TTN: variants seen among roughly 807,000 people sequenced by gnomAD.
TTN encodes titin, also known as connectin.
Under a neutral mutation model 3,223.0 loss-of-function variants are expected in TTN, and 1,525 were observed. The ratio of observed to expected loss-of-function variants is 0.47; its 90% CI spans 0.45 to 0.49. The LOEUF (loss-of-function observed/expected upper bound fraction) is 0.49, where lower values mean the gene tolerates loss of function less well. Ranked by LOEUF, TTN falls within the 20% of genes least tolerant of loss-of-function variation. The pLI is 0.00. For synonymous variants in TTN, 14,094 were observed against 15,161.0 expected (o/e 0.93, Z 5.17); for missense variants, 40,786 against 43,424.0 (o/e 0.94, Z 5.40).
In TTN at chr2:178,592,130, G is replaced by A. The variant is rs2050346497; in HGVS notation, c.59774C>T (p.Ser19925Leu). The change falls in exon 302 of 363, where the codon TCA (serine) becomes TTA (leucine). Residue 19925 changes from serine (S) to leucine (L), a missense_variant. Coordinates refer to ENST00000589042, the MANE Select transcript of TTN (RefSeq NM_001267550.2). The stretch of plus-strand genomic sequence containing the variant: ...TTTCTTTGATGTAGCTGAGAGAGGT[G>A]ACCACTGGGCGCTGGCAACATCTCT... The part of the protein sequence containing the change: ...ERRDVASAQW[S>L]PLSATSKKKS... The A allele has an allele frequency of 6.2e-7, 1 of 1,612,734 alleles. No individual in the cohort carries two copies. The highest frequency in any genetic ancestry group is 1.3e-5 in the African/African-American group (1 of 74,822).
chr2:178,594,494 C>G lies in TTN; in HGVS notation c.58000G>C (p.Val19334Leu), dbSNP rs769006307. ...RLIGTEKFHK[V>L]TNDNLLSRKY... Reference sequence around the variant, plus strand: ...CTGCTAAGCAAGTTGTCATTTGTAACTTTGTGGAACTTCTCAGTCCCAATG... The same window carrying G: ...CTGCTAAGCAAGTTGTCATTTGTAAGTTTGTGGAACTTCTCAGTCCCAATG... Residue 19334 changes from valine to leucine, a missense_variant, in exon 296 of 363, where the codon GTT becomes CTT. Val to Leu is a conservative substitution (Grantham distance 32). Transcript: ENST00000589042. The G allele has an allele frequency of 3.1e-6, 5 of 1,613,276 alleles. No homozygotes were observed. The highest frequency in any genetic ancestry group is 3.3e-5 in the Admixed American group (2 of 59,942).
rs371422289 is a variant in TTN, at chr2:178,621,091, A to T, written c.45616+11T>A. On this transcript the variant is annotated intron_variant, in intron 246 of 362. Transcript: ENST00000589042. Reference sequence around the variant, plus strand: ...ACAAACAAAAAACCCTAAAAGCAAGAACAAACTTACCAATGACTGTCAAGT... The same window carrying T: ...ACAAACAAAAAACCCTAAAAGCAAGTACAAACTTACCAATGACTGTCAAGT... 3.1e-6 allele frequency: 5 copies of T among 1,610,748 alleles called. No individual in the cohort carries two copies. Among genetic ancestry groups the T allele is most frequent in the Non-Finnish European group, 4.2e-6 (5 of 1,178,854 alleles).
intron 60 of TTN, 58 bp from the exon 61 acceptor site, chr2:178,730,850 G>T (rs576861043): frequency 1.1e-4 from 144 of 1,255,754 alleles, no homozygotes; most frequent in South Asian, 6.0e-4. Context: ...ATTTGTTTTT[G>T]TTTTTTTTTT....
Position 178,529,088 on chromosome 2 carries a change from C to T in TTN, c.106663G>A (p.Ala35555Thr). The T allele has an allele frequency of 6.2e-7, 1 of 1,612,542 alleles. No individual in the cohort carries two copies. The highest frequency in any genetic ancestry group is 8.5e-7 in the Non-Finnish European group (1 of 1,179,322). ...LRSEEIKMSE[A>T]KSQEKLALKE... ...AGGGCTAACTTTTCTTGAGATTTTG[C>T]CTCTGACATCTTAATTTCTTCAGAC... The change falls in exon 360 of 363, where the codon GCA (alanine) becomes ACA (threonine). Residue 35555 changes from alanine to threonine, a missense_variant. Ala to Thr is a moderately conservative substitution (Grantham distance 58). Transcript: ENST00000589042.
chr2:178,610,269 C>G lies in TTN; in HGVS notation c.51257G>C (p.Arg17086Pro), dbSNP rs72632860. 6.2e-7 allele frequency: 1 copy of G among 1,612,820 alleles called. No individual in the cohort carries two copies. The highest frequency in any genetic ancestry group is 1.3e-5 in the African/African-American group (1 of 74,832). The change falls in exon 271 of 363, where the codon CGC becomes CCC. Residue 17086 changes from arginine (R) to proline (P), a missense_variant. By Grantham distance (103) the Arg-to-Pro change is moderately radical (BLOSUM62 -2). Coordinates refer to ENST00000589042, the MANE Select transcript of TTN (RefSeq NM_001267550.2). ...ATATGTTCTCCTCCCAGCTTCTCTG[C>G]GCTCCAGGACATAATGAAGAATTGG... ...GTPILHYVLERREAGRRTYIP... is the reference protein window; with the variant it reads ...GTPILHYVLEPREAGRRTYIP...
chr2:178,607,131 A>G lies in TTN; in HGVS notation c.53471T>C (p.Ile17824Thr), dbSNP rs765709539. Reference sequence around the variant, plus strand: ...TTCTTGTCCCTCAAGCAGACCTGTGATGTCACATTTAGATCTCTCAGTCTC... The same window carrying G: ...TTCTTGTCCCTCAAGCAGACCTGTGGTGTCACATTTAGATCTCTCAGTCTC... ...PIETERSKCDITGLLEGQEYK... is the reference protein window; with the variant it reads ...PIETERSKCDTTGLLEGQEYK... Residue 17824 changes from isoleucine to threonine, a missense_variant, in exon 278 of 363, where the codon ATC (isoleucine) becomes ACC (threonine). Physicochemically the swap from Ile to Thr is moderately conservative, Grantham distance 89. Transcript: ENST00000589042. 1.2e-5 allele frequency: 19 copies of G among 1,612,774 alleles called. 1 individual carries two copies. The South Asian group carries it at 2.0e-4, about 17-fold the overall frequency.
Position 178,548,963 on chromosome 2 carries a change from G to A in TTN, c.92663C>T (p.Ala30888Val), listed in dbSNP as rs1393497190. 1.9e-6 allele frequency: 3 copies of A among 1,613,844 alleles called. No individual in the cohort carries two copies. Among genetic ancestry groups the A allele is most frequent in the Non-Finnish European group, 8.5e-7 (1 of 1,179,814 alleles). ...AACTCGGAATTTGTATTCTTCACCT[G>A]CTTGTAGATCAGTGACTGTATATCT... is the stretch of plus-strand genomic sequence containing the variant. The part of the protein sequence containing the change: ...KTRYTVTDLQ[A>V]GEEYKFRVSA... The change falls in exon 339 of 363, where the codon GCA (alanine) becomes GTA (valine). Residue 30888 changes from alanine (A) to valine (V), a missense_variant. Coordinates refer to ENST00000589042, the MANE Select transcript of TTN (RefSeq NM_001267550.2). The surrounding 1 kb of genome is among the most constrained non-coding windows in gnomAD (Gnocchi z 4.3).
At chr2:178,722,966 C>T in intron 75 of TTN, 29 bp from the exon 76 acceptor site, 2 of 1,597,306 alleles carry the variant, frequency 1.3e-6, no homozygotes, top group Admixed American at 1.8e-5. Flanking sequence ...CAGTTAGCAA[C>T]TGGAATTAAT....
chr2:178,786,285 G>T, intron 13 of TTN, 144 bp from the exon 14 acceptor site: 1 of 829,442 alleles, frequency 1.2e-6, no homozygotes, highest in Non-Finnish European at 1.9e-6. Context: ...ACACTTTTAG[G>T]GACTATTTCA....
Position 178,532,607 on chromosome 2 carries a change from A to G in TTN, c.104008T>C (p.Tyr34670His). 6.2e-7 allele frequency: 1 copy of G among 1,613,970 alleles called. No homozygotes were observed. Among genetic ancestry groups the G allele is most frequent in the Non-Finnish European group, 8.5e-7 (1 of 1,179,862 alleles). Residue 34670 changes from tyrosine to histidine, a missense_variant, in exon 358 of 363, where the codon TAC becomes CAC. By Grantham distance (83) the Tyr-to-His change is moderately conservative. Transcript: ENST00000589042. The part of the protein sequence containing the change: ...DEELLLPIDD[Y>H]LAMKRTEEER... ...TCCTCTGTTCTTTTCATTGCTAAGTAGTCATCAATGGGGAGGAGTAATTCT... is the reference window on the plus strand; with the variant it reads ...TCCTCTGTTCTTTTCATTGCTAAGTGGTCATCAATGGGGAGGAGTAATTCT...
chr2:178,740,039 T>G lies in TTN; in HGVS notation c.13194A>C (p.Gln4398His), dbSNP rs375347596. Residue 4398 changes from glutamine to histidine, a missense_variant, in exon 48 of 363, where the codon CAA becomes CAC. Transcript: ENST00000589042. ...PEEQRLNLKI[Q>H]ICRALQAAVA... ...CGGCTGCTTGCAAAGCCCGGCAGAT[T>G]TGAATTTTCAGGTTTAATCTCTGCT... 2.4e-5 allele frequency: 39 copies of G among 1,613,762 alleles called. No individual in the cohort carries two copies. Among genetic ancestry groups the G allele is most frequent in the Non-Finnish European group, 3.0e-5 (35 of 1,179,848 alleles).
rs753058503 is a variant in TTN at position 178,689,065 on chromosome 2, G to A, written c.32083C>T (p.Pro10695Ser). ...AVPVPVAKKA[P>S]PPRAEVSKKT... is the part of the protein sequence containing the mutation. ...AGGCAAATCCTACCTCGGGGAGGAG[G>A]AGCTTTCTTAGCGACAGGAACTGGC... Residue 10695 changes from proline to serine, a missense_variant, in exon 125 of 363, where the codon CCT (proline) becomes TCT (serine). Transcript: ENST00000589042. 1.8e-5 allele frequency: 29 copies of A among 1,609,076 alleles called. No homozygotes were observed. The South Asian group carries it at 2.4e-4, about 13-fold the overall frequency.
In TTN at chr2:178,564,107, G is replaced by T; in HGVS notation, c.82025C>A (p.Thr27342Asn). 1 of 1,613,752 alleles carries T rather than the reference G, an allele frequency of 6.2e-7. No individual in the cohort carries two copies. Among genetic ancestry groups the T allele is most frequent in the South Asian group, 1.1e-5 (1 of 91,088 alleles). ...TTLVVKDCIR[T>N]DGGQYILKLS... ...TTTCAGAATATATTGTCCTCCATCA[G>T]TCCGTATACAGTCTTTGACAACAAG... The change falls in exon 326 of 363, where the codon ACT (threonine) becomes AAT (asparagine). Residue 27342 changes from threonine (T) to asparagine (N), a missense_variant. Transcript: ENST00000589042.
intron 78 of TTN, 84 bp downstream of exon 78, chr2:178,721,763 C>A: frequency 7.2e-7 from 1 of 1,391,828 alleles, no homozygotes; most frequent in Non-Finnish European, 9.5e-7. Context: ...TTCTCTCAAA[C>A]ATTTAAAAAC....
Position 178,530,794 on chromosome 2 carries a change from G to T in TTN, c.105821C>A (p.Thr35274Lys). Residue 35274 changes from threonine to lysine, a missense_variant, in exon 358 of 363, where the codon ACA becomes AAA. By Grantham distance (78) the Thr-to-Lys change is moderately conservative (BLOSUM62 -1). Coordinates refer to ENST00000589042, the MANE Select transcript of TTN (RefSeq NM_001267550.2). ...VSPTETKPTPTEKVQHLPVSA... is the reference protein window; with the variant it reads ...VSPTETKPTPKEKVQHLPVSA... The stretch of plus-strand genomic sequence containing the variant: ...GACTGGGAGGTGCTGAACTTTCTCT[G>T]TTGGTGTTGGTTTTGTCTCTGTGGG... 6.2e-7 allele frequency: 1 copy of T among 1,613,856 alleles called. No individual in the cohort carries two copies. Among genetic ancestry groups the T allele is most frequent in the Non-Finnish European group, 8.5e-7 (1 of 1,179,876 alleles).
intron 79 of TTN, 116 bp from the exon 80 acceptor site, chr2:178,720,779 A>G: frequency 7.3e-7 from 1 of 1,361,110 alleles, no homozygotes; most frequent in Non-Finnish European, 9.7e-7. Context: ...ACATGCTGAC[A>G]CAAGAAATGA....
At position 178,802,022 on chromosome 2, in the gene TTN, T is replaced by G. The variant is rs1156500740; in HGVS notation, c.295+116A>C. The G allele has an allele frequency of 2.0e-5, 26 of 1,279,488 alleles. No homozygotes were observed. The East Asian group carries it at 3.5e-4, about 17-fold the overall frequency. The allele number at this position is 1,279,488 out of a possible 1,614,324, so 79.3% of individuals were successfully genotyped here. On this transcript the variant is annotated intron_variant, in intron 3 of 362. Transcript: ENST00000589042. Reference sequence around the variant, plus strand: ...AATAATTCAGCCTCCAGTAGACCCTTCTGTAGTTTAAGAGCTGCATCTACC... The same window carrying G: ...AATAATTCAGCCTCCAGTAGACCCTGCTGTAGTTTAAGAGCTGCATCTACC...
Position 178,647,420 on chromosome 2 carries a change from C to A in TTN, c.40102G>T (p.Val13368Leu). 1 of 1,549,766 alleles carries A rather than the reference C, an allele frequency of 6.5e-7. No homozygotes were observed. The highest frequency in any genetic ancestry group is 1.2e-5 in the South Asian group (1 of 84,016). Reference protein sequence around the residue: ...EKIIPEKEVSVPIPAEPEVPP... With the variant: ...EKIIPEKEVSLPIPAEPEVPP... ...ACTTCTGGCTCTGCAGGGATAGGCACAGACACTTCCTTTTCTGGGATGATT... is the reference window on the plus strand; with the variant it reads ...ACTTCTGGCTCTGCAGGGATAGGCAAAGACACTTCCTTTTCTGGGATGATT... The change falls in exon 214 of 363, where the codon GTG becomes TTG. Residue 13368 changes from valine to leucine, a missense_variant. Physicochemically the swap from Val to Leu is conservative, Grantham distance 32. Transcript: ENST00000589042.
At chr2:178,692,442 G>C in intron 120 of TTN, 55 bp downstream of exon 120, 2 of 1,459,250 alleles carry the variant, frequency 1.4e-6, no homozygotes, top group Non-Finnish European at 1.9e-6. Context: ...AGATCTTATA[G>C]AAAAAGATAC....
Sources: gnomAD v4.1 joint callset for allele counts on GRCh38, gnomAD v4.1.1 for gene constraint, Gnocchi (gnomAD v3.1) non-coding constraint, MANE v1.5 for transcripts, NCBI Gene and HGNC (gene_info 2026-07-23, HGNC 2026-07-21) for gene names.